OTUD7B: variants seen among roughly 807,000 people sequenced by gnomAD.
OTUD7B encodes OTU deubiquitinase 7B.
Under a neutral mutation model 82.2 loss-of-function variants are expected in OTUD7B, and 34 were observed. The observed-to-expected ratio is 0.41, with a 90% CI of 0.31 to 0.55. The LOEUF is 0.55. OTUD7B is among the 20% of genes least tolerant of loss of function. The pLI is 0.20. For synonymous variants in OTUD7B, 398 were observed against 402.7 expected (o/e 0.99, Z 0.14); for missense variants, 944 against 1,062.1 (o/e 0.89, Z 1.55).
intron 6 of OTUD7B, chr1:149,962,144 GT>G (rs1282706728): frequency 1.3e-5 from 2 of 152,168 alleles, no homozygotes; most frequent in African/African-American, 4.8e-5. Context: ...GAGTGCTGCA[GT>G]CACTCCAATA....
chr1:149,945,016 G>A lies in OTUD7B; in HGVS notation c.1373C>T (p.Pro458Leu), dbSNP rs1264446965. The change falls in exon 12 of 12, where the codon CCC becomes CTC. Residue 458 changes from proline to leucine, a missense_variant. Physicochemically the swap from Pro to Leu is moderately conservative, Grantham distance 98. Coordinates refer to ENST00000581312, the MANE Select transcript of OTUD7B (RefSeq NM_020205.4). Reference protein sequence around the residue: ...ESPTASAGDEPRSTPESGDSD... With the variant: ...ESPTASAGDELRSTPESGDSD... Reference sequence around the variant, plus strand: ...GTCTCCAGACTCAGGAGTGGACCGGGGCTCATCTCCAGCTGAGGCGGTGGG... The same window carrying A: ...GTCTCCAGACTCAGGAGTGGACCGGAGCTCATCTCCAGCTGAGGCGGTGGG... 5.6e-6 allele frequency: 9 copies of A among 1,613,998 alleles called. No individual in the cohort carries two copies. The African/African-American group carries it at 6.7e-5, about 12-fold the overall frequency.
intron 1 of OTUD7B, among the ~76,000 whole-genome samples, chr1:150,001,583 G>A (rs2101928839): frequency 6.6e-6 from 1 of 152,286 alleles, no homozygotes. Flanking sequence ...AAACAGCCAA[G>A]AAAGCTTCCA....
the OTUD7B span, among the ~76,000 whole-genome samples, chr1:150,026,006 C>G: frequency 6.6e-6 from 1 of 152,166 alleles, no homozygotes; most frequent in Non-Finnish European, 1.5e-5. Context: ...ACTTGGCGAA[C>G]AGGACAAGTG....
At chr1:149,951,001 T>TTTTTTTTTTTTTTTTTTTTG (rs1388877490) in intron 7 of OTUD7B, among the ~76,000 whole-genome samples, 1 of 63,722 alleles carries the variant, frequency 1.6e-5, no homozygotes, top group Non-Finnish European at 2.7e-5. Flanking sequence ...TTTTTTTTTG[T>TTTTTTTTTTTTTTTTTTTTG]AGATGGAGTC....
intron 1 of OTUD7B, among the ~76,000 whole-genome samples, chr1:149,986,237 T>TCACACACACACA (rs34962941): frequency 7.3e-6 from 1 of 136,544 alleles, no homozygotes; most frequent in African/African-American, 2.8e-5. Context: ...TGGTACCCCA[T>TCACACACACACA]CACACACACA....
chr1:150,054,975 C>G, the OTUD7B span: 1 of 331,390 alleles, frequency 3.0e-6, no homozygotes, highest in Non-Finnish European at 5.9e-6. Flanking sequence ...AGCTCCAGGG[C>G]TACCTCTGAT....
At chr1:150,055,041 CTTTTT>C in the OTUD7B span, 1 of 141,690 alleles carries the variant, frequency 7.1e-6, no homozygotes, top group South Asian at 1.7e-4. Flanking sequence ...TCTAAATTTC[CTTTTT>C]TTTTTTTTTG....
intron 1 of OTUD7B, among the ~76,000 whole-genome samples, chr1:149,993,287 C>T (rs1651718748): frequency 6.6e-6 from 1 of 152,236 alleles, no homozygotes; most frequent in African/African-American, 2.4e-5. Flanking sequence ...GCCCAGGTCA[C>T]TGCAATTCTC....
chr1:149,982,841 CTTTTTTTTT>C (rs34122678), intron 1 of OTUD7B, among the ~76,000 whole-genome samples: 2 of 84,164 alleles, frequency 2.4e-5, no homozygotes, highest in African/African-American at 5.0e-5. Context: ...TCCTCTCTTA[CTTTTTTTTT>C]TTTTTTTTTT....
At position 149,938,960 on chromosome 1, in the gene OTUD7B, G is replaced by T. The variant is rs1175452597; in HGVS notation, c.*4897C>A. Reference sequence around the variant, plus strand: ...AAAAAAAAAAAAAAAAAAGCGGGGTGGGGGGAAATCAGGAGGAGAAAAGAA... The same window carrying T: ...AAAAAAAAAAAAAAAAAAGCGGGGTTGGGGGAAATCAGGAGGAGAAAAGAA... On this transcript the variant is annotated 3_prime_UTR_variant, in exon 12 of 12. Transcript: ENST00000581312. The T allele has an allele frequency of 6.6e-6, 1 of 150,894 alleles. No individual in the cohort carries two copies. The highest frequency in any genetic ancestry group is 1.5e-5 in the Non-Finnish European group (1 of 68,408). The allele number at this position is 150,894 out of a possible 1,614,324, so 9.3% of individuals were successfully genotyped here. A position where few individuals can be genotyped will look rare whatever the true frequency, so the allele number is the denominator to read the frequency against.
At chr1:150,062,708 C>CTTTTTTTTTTTTTTT in the OTUD7B span, among the ~76,000 whole-genome samples, 3 of 96,056 alleles carry the variant, frequency 3.1e-5, no homozygotes, top group African/African-American at 8.1e-5. Context: ...CTTCTTCTTT[C>CTTTTTTTTTTTTTTT]TTTTTTTTTT....
intron 6 of OTUD7B, chr1:149,963,201 G>A (rs1456665999): frequency 6.6e-6 from 1 of 151,864 alleles, no homozygotes; most frequent in Non-Finnish European, 1.5e-5. Context: ...AAAGGTGGAT[G>A]AAAAAGGAAA....
At chr1:149,989,463 ACT>A (rs1553781520) in intron 1 of OTUD7B, among the ~76,000 whole-genome samples, 1 of 69,092 alleles carries the variant, frequency 1.4e-5, no homozygotes, top group East Asian at 4.0e-4. Flanking sequence ...ACAGAGTGAG[ACT>A]CTGTCCAAAA....
At chr1:150,051,178 G>C in the OTUD7B span, among the ~76,000 whole-genome samples, 1 of 143,068 alleles carries the variant, frequency 7.0e-6, no homozygotes, top group Non-Finnish European at 1.5e-5. Context: ...GCAGTGAACC[G>C]AGATTGCGCC....
chr1:149,990,907 C>T (rs782592529), intron 1 of OTUD7B, among the ~76,000 whole-genome samples: 1 of 151,718 alleles, frequency 6.6e-6, no homozygotes, highest in Non-Finnish European at 1.5e-5. Flanking sequence ...AGGAGAATCG[C>T]TTGTACCTGG....
Position 149,971,093 on chromosome 1 carries a change from T to C in OTUD7B, c.244A>G (p.Ile82Val), listed in dbSNP as rs1159315241. The change falls in exon 3 of 12, where the codon ATC (isoleucine) becomes GTC (valine). Residue 82 changes from isoleucine to valine, a missense_variant. Transcript: ENST00000581312. ...DREPTRPPRP[I>V]LQRQDDIVQE... ...ACGATGTCATCCTGCCGCTGGAGGA[T>C]GGGTCGGGGAGGGCGAGTAGGCTCT... 7 of 1,609,906 alleles carry C rather than the reference T, an allele frequency of 4.3e-6. No individual in the cohort carries two copies. In the East Asian group the frequency reaches 1.3e-4, roughly 31 times the overall value.
chr1:149,952,458 A>T (rs1553773703), intron 7 of OTUD7B, among the ~76,000 whole-genome samples: 1 of 152,142 alleles, frequency 6.6e-6, no homozygotes, highest in East Asian at 1.9e-4. Flanking sequence ...ATTGTTGGAC[A>T]TTTGGGTTGG....
At chr1:150,023,848 C>A in the OTUD7B span, among the ~76,000 whole-genome samples, 5 of 152,292 alleles carry the variant, frequency 3.3e-5, no homozygotes, top group South Asian at 6.2e-4. Flanking sequence ...TGATTTTAAT[C>A]TTTCTACATG....
Position 149,959,539 on chromosome 1 carries a change from G to A in OTUD7B, c.845+145C>T, listed in dbSNP as rs147594023. The A allele has an allele frequency of 6.5e-4, 402 of 621,604 alleles. 4 individuals carry two copies. In the African/African-American group the frequency reaches 6.6e-3, roughly 10 times the overall value. 38.5% of individuals were successfully genotyped at this position (621,604 alleles called of 1,614,324 possible). Reference sequence around the variant, plus strand: ...TACCTGTAGTTCCTAAACATATCATGTTGTTACACACTTTTGTGCCCTTAG... The same window carrying A: ...TACCTGTAGTTCCTAAACATATCATATTGTTACACACTTTTGTGCCCTTAG... On this transcript the variant is annotated intron_variant, in intron 7 of 11. Transcript: ENST00000581312.
Sources: allele counts gnomAD v4.1 joint callset (sites outside exome capture counted in the v4.1 genomes callset), GRCh38; gene constraint gnomAD v4.1.1; transcripts MANE v1.5; gene names NCBI Gene and HGNC (gene_info 2026-07-23, HGNC 2026-07-21).